CCDC22: variants seen among roughly 807,000 people sequenced by gnomAD.
CCDC22 encodes CCC complex scaffolding subunit CCDC22, also known as coiled-coil domain-containing protein 22.
In CCDC22, 4 loss-of-function variants were observed where a neutral mutation model predicts 53.1. The ratio of observed to expected loss-of-function variants is 0.08; its 90% confidence interval spans 0.04 to 0.17. The LOEUF (loss-of-function observed/expected upper bound fraction) is 0.17. CCDC22 is among the 10% of genes least tolerant of loss of function. The probability of loss-of-function intolerance (pLI) is 1.00; values close to 1 mark genes in which losing one functional copy is unlikely to be tolerated. For missense variants in CCDC22, 458 were observed against 554.0 expected (o/e 0.83, Z 1.74); for synonymous variants, 222 against 224.4 (o/e 0.99, Z 0.10).
intron 2 of CCDC22, among the ~76,000 whole-genome samples, chrX:49,240,284 G>A (rs966845199): frequency 5.7e-5 from 6 of 105,808 alleles, no homozygotes; most frequent in Non-Finnish European, 1.2e-4. Flanking sequence ...GACTGGGGAC[G>A]GTGGCTCCTG....
rs1017576908 is a variant in CCDC22, at chrX:49,248,886, G to A, written c.1501G>A (p.Val501Met). 2 of 1,210,850 alleles carry A rather than the reference G, an allele frequency of 1.7e-6. No homozygotes were observed. The highest frequency in any genetic ancestry group is 1.8e-5 in the South Asian group (1 of 56,786). ...CTACACCCAGCGCATCCTGGAGATCGTGGGCAACATCCGGAAGCAGAAGGA... is the reference window on the plus strand; with the variant it reads ...CTACACCCAGCGCATCCTGGAGATCATGGGCAACATCCGGAAGCAGAAGGA... ...LAYTQRILEI[V>M]GNIRKQKEEI... is the part of the protein sequence containing the mutation. The change falls in exon 13 of 17, where the codon GTG (valine) becomes ATG (methionine). Residue 501 changes from valine to methionine, a missense_variant. Val to Met is a conservative substitution (Grantham distance 21, BLOSUM62 1). This residue lies in a region of CCDC22 where 48 missense variants were observed against 83.4 expected (regional missense o/e 0.58). Coordinates refer to ENST00000376227, the MANE Select transcript of CCDC22 (RefSeq NM_014008.5).
intron 16 of CCDC22, 98 bp downstream of exon 16, chrX:49,249,823 C>G (rs1210271666): frequency 1.3e-6 from 1 of 751,459 alleles, no homozygotes; most frequent in Non-Finnish European, 2.0e-6. Context: ...CAGCCGATGG[C>G]TGGACACCCA....
chrX:49,237,759 CTT>C (rs782723167), intron 2 of CCDC22, among the ~76,000 whole-genome samples: 2 of 94,105 alleles, frequency 2.1e-5, no homozygotes, highest in Non-Finnish European at 2.1e-5. Context: ...ATGGTCATTC[CTT>C]TTTTTTTTTT....
Position 49,246,851 on chromosome X carries a change from T to A in CCDC22, c.835T>A (p.Trp279Arg), listed in dbSNP as rs1236439161. Residue 279 changes from tryptophan (W) to arginine (R), a missense_variant, in exon 7 of 17, where the codon TGG (tryptophan) becomes AGG (arginine). Physicochemically the swap from Trp to Arg is moderately radical, Grantham distance 101. Around this residue, in one of 4 missense-constraint regions of CCDC22, gnomAD observed 309 missense variants for 312.3 expected, o/e 0.99. Transcript: ENST00000376227. Reference sequence around the variant, plus strand: ...GGACCTGGGAGAACTGCTGCAGGCCTGGGGTGCTGGGGCCAAGACTGGTGC... The same window carrying A: ...GGACCTGGGAGAACTGCTGCAGGCCAGGGGTGCTGGGGCCAAGACTGGTGC... Reference protein sequence around the residue: ...ARDLGELLQAWGAGAKTGAPK... With the variant: ...ARDLGELLQARGAGAKTGAPK... The A allele has an allele frequency of 8.3e-7, 1 of 1,200,279 alleles. No individual in the cohort carries two copies. The highest frequency in any genetic ancestry group is 1.1e-6 in the Non-Finnish European group (1 of 889,881).
chrX:49,244,187 GT>G (rs2065977614), intron 6 of CCDC22, among the ~76,000 whole-genome samples: 1 of 111,962 alleles, frequency 8.9e-6, no homozygotes, highest in Non-Finnish European at 1.9e-5. Context: ...CTAGTTCTGT[GT>G]TTTTGCTGCT....
rs1557113594 is a variant in CCDC22, at chrX:49,242,970, C to T, written c.446C>T (p.Thr149Ile). 2.6e-6 allele frequency: 3 copies of T among 1,155,422 alleles called. No individual in the cohort carries two copies. Among genetic ancestry groups the T allele is most frequent in the Non-Finnish European group, 3.5e-6 (3 of 866,012 alleles). The change falls in exon 4 of 17, where the codon ACT becomes ATT. Residue 149 changes from threonine (T) to isoleucine (I), a missense_variant. Thr to Ile is a moderately conservative substitution (Grantham distance 89, BLOSUM62 -1). Coordinates refer to ENST00000376227, the MANE Select transcript of CCDC22 (RefSeq NM_014008.5). ...ALPWVPPHLR[T>I]PKLQHLQGSA... ...CCTTGGGTCCCGCCCCACCTTCGCA[C>T]TCCCAAGCTGCAGCACCTCCAGGTG...
chrX:49,249,483 C>A (rs1557114993), intron 14 of CCDC22, 26 bp from the exon 15 acceptor site: 1 of 1,200,984 alleles, frequency 8.3e-7, no homozygotes, highest in East Asian at 3.0e-5. Flanking sequence ...CCCACTGATA[C>A]CTTTGAGGTC....
chrX:49,243,943 C>T (rs1268475526), intron 6 of CCDC22, among the ~76,000 whole-genome samples: 1 of 112,354 alleles, frequency 8.9e-6, no homozygotes, highest in Non-Finnish European at 1.9e-5. Flanking sequence ...CTTGCACCAC[C>T]ACACCTGGCT....
At chrX:49,240,582 G>A (rs1029385795) in intron 2 of CCDC22, among the ~76,000 whole-genome samples, 2 of 111,629 alleles carry the variant, frequency 1.8e-5, no homozygotes, top group Admixed American at 9.5e-5. Flanking sequence ...GGTACATATG[G>A]TTGTCTGGCC....
At chrX:49,239,311 G>T (rs1557113125) in intron 2 of CCDC22, 1 of 246,102 alleles carries the variant, frequency 4.1e-6, no homozygotes, top group Non-Finnish European at 5.7e-6. Context: ...GTTTCCACAT[G>T]TGTAAAATGG....
intron 9 of CCDC22, 149 bp from the exon 10 acceptor site, chrX:49,248,042 G>T (rs1046452782): frequency 6.6e-6 from 7 of 1,055,022 alleles, no homozygotes; most frequent in Non-Finnish European, 8.9e-6. Context: ...GGTACCCACG[G>T]GTCTGCATGG....
At chrX:49,249,374 G>A in intron 14 of CCDC22, 112 bp downstream of exon 14, 1 of 861,268 alleles carries the variant, frequency 1.2e-6, no homozygotes. Context: ...GGCTGGAGGT[G>A]CACTGATACC....
At position 49,248,425 on chromosome X, in the gene CCDC22, G is replaced by A. The variant is rs1557114718; in HGVS notation, c.1231G>A (p.Ala411Thr). 1 of 1,210,574 alleles carries A rather than the reference G, an allele frequency of 8.3e-7. No homozygotes were observed. The highest frequency in any genetic ancestry group is 1.1e-6 in the Non-Finnish European group (1 of 895,123). Reference sequence around the variant, plus strand: ...CCACCAGCTTGTGGTGGAGAATAGTGCCCAGCGGGTCATCCACTTGGCGGG... The same window carrying A: ...CCACCAGCTTGTGGTGGAGAATAGTACCCAGCGGGTCATCCACTTGGCGGG... ...AKLQLVVENSAQRVIHLAGQW... is the reference protein window; with the variant it reads ...AKLQLVVENSTQRVIHLAGQW... Residue 411 changes from alanine to threonine, a missense_variant, in exon 11 of 17, where the codon GCC becomes ACC. Ala to Thr is a moderately conservative substitution (Grantham distance 58). Around this residue, in one of 4 missense-constraint regions of CCDC22, gnomAD observed 309 missense variants for 312.3 expected, o/e 0.99. Transcript: ENST00000376227.
chrX:49,242,247 T>C, intron 3 of CCDC22, 99 bp downstream of exon 3: 1 of 1,137,858 alleles, frequency 8.8e-7, no homozygotes, highest in Non-Finnish European at 1.2e-6. Context: ...AAAAGGTTGA[T>C]GGGTAGGGGT....
intron 1 of CCDC22, among the ~76,000 whole-genome samples, 175 bp downstream of exon 1, chrX:49,235,861 A>ACACACACACACACACACACACG (rs1317193784): frequency 9.5e-6 from 1 of 105,740 alleles, no homozygotes; most frequent in African/African-American, 3.5e-5. Flanking sequence ...ACACACACAC[A>ACACACACACACACACACACACG]CACGCACACA....
chrX:49,243,740 G>A (rs184007935), intron 6 of CCDC22, among the ~76,000 whole-genome samples: 472 of 112,704 alleles, frequency 4.2e-3, no homozygotes, highest in Non-Finnish European at 5.2e-3. Flanking sequence ...TAATGTGCTT[G>A]AGATTCCTGG....
chrX:49,240,126 G>T (rs112297943), intron 2 of CCDC22, among the ~76,000 whole-genome samples: 4,244 of 108,202 alleles, frequency 0.039, 214 homozygotes, highest in African/African-American at 0.14. Context: ...GGTGGCACAC[G>T]CCTGTGGTCC....
chrX:49,242,367 G>A (rs1002757779), intron 3 of CCDC22: 6 of 739,199 alleles, frequency 8.1e-6, no homozygotes, highest in Non-Finnish European at 9.6e-6. Flanking sequence ...GTGCGTTGGT[G>A]CGGGGAGGGG....
At position 49,250,205 on chromosome X, in the gene CCDC22, T is replaced by C; in HGVS notation, c.1828T>C (p.Tyr610His). The C allele has an allele frequency of 8.6e-7, 1 of 1,166,741 alleles. No individual in the cohort carries two copies. Among genetic ancestry groups the C allele is most frequent in the East Asian group, 3.2e-5 (1 of 30,838 alleles). The change falls in exon 17 of 17, where the codon TAC (tyrosine) becomes CAC (histidine). Residue 610 changes from tyrosine to histidine, a missense_variant. By Grantham distance (83) the Tyr-to-His change is moderately conservative (BLOSUM62 2). Coordinates refer to ENST00000376227, the MANE Select transcript of CCDC22 (RefSeq NM_014008.5). ...LSNLEKIRED[Y>H]RALRQENAGL... ...CAACCTGGAGAAGATCCGGGAGGAC[T>C]ACCGAGCCCTCCGCCAGGAGAACGC... is the stretch of plus-strand genomic sequence containing the variant.
Sources: gnomAD v4.1 joint callset for allele counts (sites outside exome capture counted in the v4.1 genomes callset) on GRCh38, gnomAD v4.1.1 for gene constraint, gnomAD v4.1.1 regional missense constraint, MANE v1.5 for transcripts, NCBI Gene and HGNC (gene_info 2026-07-23, HGNC 2026-07-21) for gene names.